NBAS: variants seen among roughly 807,000 people sequenced by gnomAD.
The protein encoded by NBAS is NBAS subunit of NRZ tethering complex.
Under a neutral mutation model 302.5 loss-of-function variants are expected in NBAS, and 219 were observed. That is an observed-to-expected ratio of 0.72 (90% CI 0.65 to 0.81). NBAS has a LOEUF of 0.81. Among genes scored for constraint, NBAS ranks in the 30% least tolerant of loss-of-function variants. The pLI is 0.00. For synonymous variants in NBAS, 1,118 were observed against 1,021.6 expected (o/e 1.09, Z -1.80); for missense variants, 2,932 against 2,841.6 (o/e 1.03, Z -0.72).
At chr2:15,025,134 T>C in the NBAS span, among the ~76,000 whole-genome samples, 1 of 152,216 alleles carries the variant, frequency 6.6e-6, no homozygotes, top group Non-Finnish European at 1.5e-5. Flanking sequence ...CTTGAGTTGA[T>C]TTTTGTATAT....
At chr2:14,895,534 G>C in the NBAS span, among the ~76,000 whole-genome samples, 2,191 of 152,140 alleles carry the variant, frequency 0.014, 47 homozygotes, top group African/African-American at 0.05. Flanking sequence ...GTCAGGAGAT[G>C]GAGACCATCC....
At chr2:15,124,728 T>C in the NBAS span, among the ~76,000 whole-genome samples, 1 of 152,226 alleles carries the variant, frequency 6.6e-6, no homozygotes, top group Non-Finnish European at 1.5e-5. Context: ...CAGCTTGGAC[T>C]GCGACTCTGG....
At chr2:14,789,564 C>G in the NBAS span, among the ~76,000 whole-genome samples, 4,942 of 152,252 alleles carry the variant, frequency 0.032, 250 homozygotes, top group African/African-American at 0.11. Flanking sequence ...CATTAGAACT[C>G]TAAATTTCTG....
chr2:15,440,755 T>C (rs7565847), intron 21 of NBAS, among the ~76,000 whole-genome samples: 2,632 of 152,164 alleles, frequency 0.017, 69 homozygotes, highest in African/African-American at 0.06. Flanking sequence ...TTGAAAACTT[T>C]GAAAAAAATT....
chr2:15,084,402 A>G, the NBAS span, among the ~76,000 whole-genome samples: 33 of 152,186 alleles, frequency 2.2e-4, no homozygotes, highest in Admixed American at 1.2e-3. Context: ...GTAATGTAAA[A>G]ACAAAAACAA....
the NBAS span, among the ~76,000 whole-genome samples, chr2:14,819,016 G>C: frequency 6.6e-6 from 1 of 152,152 alleles, no homozygotes; most frequent in African/African-American, 2.4e-5. Flanking sequence ...AACAGCCTAG[G>C]CTGGGCCCTG....
At chr2:15,145,180 T>C in the NBAS span, among the ~76,000 whole-genome samples, 13 of 152,164 alleles carry the variant, frequency 8.5e-5, no homozygotes, top group African/African-American at 1.2e-4. Flanking sequence ...GTGTTGCTGG[T>C]ACACATACCA....
chr2:15,280,386 A>G (rs1669769466), intron 42 of NBAS, among the ~76,000 whole-genome samples: 1 of 152,028 alleles, frequency 6.6e-6, no homozygotes, highest in Non-Finnish European at 1.5e-5. Context: ...GAGAAGGGAG[A>G]AGGCTGCCGG....
In NBAS at chr2:15,561,210, C is replaced by G. The variant is rs1664904391; in HGVS notation, c.95G>C (p.Trp32Ser). 6.2e-7 allele frequency: 1 copy of G among 1,613,804 alleles called. No homozygotes were observed. Among genetic ancestry groups the G allele is most frequent in the African/African-American group, 1.3e-5 (1 of 74,888 alleles). ...CACCTGTACTTCAGTCTCCGGTGGC[C>G]ACTCGGTGTTGACCAACAAGTCATA... is the stretch of plus-strand genomic sequence containing the variant. ...ILYDLLVNTE[W>S]PPETEVQPRG... The change falls in exon 1 of 52, where the codon TGG (tryptophan) becomes TCG (serine). Residue 32 changes from tryptophan (W) to serine (S), a missense_variant. Physicochemically the swap from Trp to Ser is radical, Grantham distance 177. Coordinates refer to ENST00000281513, the MANE Select transcript of NBAS (RefSeq NM_015909.4).
At chr2:14,798,686 A>G in the NBAS span, among the ~76,000 whole-genome samples, 1 of 152,054 alleles carries the variant, frequency 6.6e-6, no homozygotes, top group African/African-American at 2.4e-5. Flanking sequence ...ACATTACCCT[A>G]GTAAATTCAT....
At chr2:15,277,325 G>C (rs181128252) in intron 42 of NBAS, among the ~76,000 whole-genome samples, 1 of 152,120 alleles carries the variant, frequency 6.6e-6, no homozygotes, top group Non-Finnish European at 1.5e-5. Context: ...GTTATCTCAC[G>C]GGGGTCTACA....
intron 3 of NBAS, among the ~76,000 whole-genome samples, chr2:15,555,188 C>T (rs1254105873): frequency 6.6e-6 from 1 of 151,378 alleles, no homozygotes; most frequent in Non-Finnish European, 1.5e-5. Flanking sequence ...GAGTTTAAAG[C>T]TACAGTGTAC....
At chr2:14,798,880 C>G in the NBAS span, among the ~76,000 whole-genome samples, 1 of 151,984 alleles carries the variant, frequency 6.6e-6, no homozygotes, top group Non-Finnish European at 1.5e-5. Context: ...AATTTATTAT[C>G]ATTTTAAGAT....
intron 48 of NBAS, among the ~76,000 whole-genome samples, chr2:15,205,143 C>T (rs1666080314): frequency 6.6e-6 from 1 of 152,178 alleles, no homozygotes; most frequent in African/African-American, 2.4e-5. Context: ...TTTCATTTTG[C>T]TTGTTTCTTT....
chr2:15,262,025 C>T (rs1230348387), intron 44 of NBAS, among the ~76,000 whole-genome samples: 1 of 152,132 alleles, frequency 6.6e-6, no homozygotes, highest in African/African-American at 2.4e-5. Flanking sequence ...GCAATCTCAT[C>T]CCTCTCACCA....
the NBAS span, among the ~76,000 whole-genome samples, chr2:14,864,089 C>T: frequency 6.6e-6 from 1 of 152,040 alleles, no homozygotes; most frequent in South Asian, 2.1e-4. Context: ...GAGGGCAAGG[C>T]AGGTGGATCA....
chr2:15,466,095 G>C (rs1309616753), intron 19 of NBAS, among the ~76,000 whole-genome samples: 1 of 152,156 alleles, frequency 6.6e-6, no homozygotes, highest in African/African-American at 2.4e-5. Flanking sequence ...TAATGATATA[G>C]TCATTACCAA....
intron 11 of NBAS, among the ~76,000 whole-genome samples, chr2:15,499,019 C>G (rs1428205583): frequency 1.3e-5 from 2 of 151,114 alleles, no homozygotes; most frequent in Non-Finnish European, 2.9e-5. Context: ...ACCTCTACCT[C>G]CTGGGTTCAA....
chr2:15,393,494 G>A (rs1675707570), intron 28 of NBAS: 1 of 349,220 alleles, frequency 2.9e-6, no homozygotes, highest in Non-Finnish European at 5.7e-6. Context: ...TCCTACAAGA[G>A]TGGTAGGAAA....
Sources: allele counts gnomAD v4.1 joint callset (sites outside exome capture counted in the v4.1 genomes callset), GRCh38; gene constraint gnomAD v4.1.1; transcripts MANE v1.5; gene names NCBI Gene and HGNC (gene_info 2026-07-23, HGNC 2026-07-21).